The following NECTIN4 variants were observed in gnomAD, a reference collection of about 807,000 sequenced individuals.
NECTIN4 encodes the protein nectin cell adhesion molecule 4, also known as nectin-4.
In NECTIN4, 19 loss-of-function variants were observed where a neutral mutation model predicts 51.7. The observed-to-expected ratio is 0.37, with a 90% CI of 0.26 to 0.54. NECTIN4 has a LOEUF of 0.54. Ranked by LOEUF, NECTIN4 falls within the 20% of genes least tolerant of loss-of-function variation. The pLI is 0.86. For missense variants in NECTIN4, 619 were observed against 662.4 expected (o/e 0.93, Z 0.72); for synonymous variants, 283 against 286.9 (o/e 0.99, Z 0.14).
rs199976359 is a variant in NECTIN4, at chr1:161,089,275, C to G, written c.22G>C (p.Glu8Gln). The change falls in exon 1 of 9, where the codon GAG becomes CAG. Residue 8 changes from glutamate to glutamine, a missense_variant. Coordinates refer to ENST00000368012, the MANE Select transcript of NECTIN4 (RefSeq NM_030916.3). The surrounding 1 kb of genome is among the most constrained non-coding windows in gnomAD (Gnocchi z 4.1). MPLSLGAEMWGPEAWLLL... is the reference protein window; with the variant it reads MPLSLGAQMWGPEAWLLL... ...AGCCAGGCCTCAGGCCCCCACATCT[C>G]GGCTCCCAGGGACAGGGGCATGGTT... 6.2e-7 allele frequency: 1 copy of G among 1,610,918 alleles called. No individual in the cohort carries two copies. Among genetic ancestry groups the G allele is most frequent in the Non-Finnish European group, 8.5e-7 (1 of 1,179,988 alleles).
rs187420790 is a variant in NECTIN4, at chr1:161,087,012, C to T, written c.79+2206G>A. 2.6e-5 allele frequency: 4 copies of T among 152,426 alleles called. No individual in the cohort carries two copies. In the East Asian group the frequency reaches 7.7e-4, roughly 29 times the overall value. The allele number at this position is 152,426 out of a possible 1,614,324, so 9.4% of individuals were successfully genotyped here. A position where few individuals can be genotyped will look rare whatever the true frequency, so the allele number is the denominator to read the frequency against. On this transcript the variant is annotated intron_variant, in intron 1 of 8. Transcript: ENST00000368012. ...GAAGGTCAATAGAGATCATCTGGTC[C>T]TAGCTCTCGGTCTACTGAAGTCTGG...
chr1:161,086,447 C>T (rs1193327190), intron 1 of NECTIN4, among the ~76,000 whole-genome samples: 2 of 152,178 alleles, frequency 1.3e-5, no homozygotes, highest in Non-Finnish European at 2.9e-5. Context: ...AAGGATGGGC[C>T]CCTCCCTTTC....
chr1:161,073,894 G>C (rs1653297839), intron 6 of NECTIN4, 99 bp from the exon 7 acceptor site: 2 of 1,107,536 alleles, frequency 1.8e-6, no homozygotes, highest in Non-Finnish European at 2.7e-6. Flanking sequence ...CGGAGGGTGT[G>C]GGTGCCGTGC....
rs749174193 is a variant in NECTIN4 at position 161,074,571 on chromosome 1, G to A, written c.1000+40C>T. 9.9e-6 allele frequency: 16 copies of A among 1,613,154 alleles called. No individual in the cohort carries two copies. In the South Asian group the frequency reaches 1.8e-4, roughly 18 times the overall value. On this transcript the variant is annotated intron_variant, in intron 5 of 8. Coordinates refer to ENST00000368012, the MANE Select transcript of NECTIN4 (RefSeq NM_030916.3). ...TTCCTGCTGCCCCCACCAAGCCCTT[G>A]GCCCAGGTCCTTACCAAGGACTTCT...
Position 161,076,445 on chromosome 1 carries a change from T to C in NECTIN4, c.761A>G (p.Glu254Gly). ...FLAEASVRGL[E>G]DQNLWHIGRE... ...GCCAATGTGCCACAGATTTTGGTCT[T>C]CAAGGCCCCTCACAGAGGCCTCAGC... The change falls in exon 4 of 9, where the codon GAA becomes GGA. Residue 254 changes from glutamate to glycine, a missense_variant. This residue lies in a region of NECTIN4 where 364 missense variants were observed against 415.7 expected (regional missense o/e 0.88). Transcript: ENST00000368012. 1 of 1,614,118 alleles carries C rather than the reference T, an allele frequency of 6.2e-7. No homozygotes were observed.
At chr1:161,080,553 C>CT (rs1310511567) in intron 1 of NECTIN4, among the ~76,000 whole-genome samples, 2 of 152,168 alleles carry the variant, frequency 1.3e-5, no homozygotes, top group South Asian at 4.1e-4. Context: ...ACCTGGATTC[C>CT]TATAGCGCAG....
Position 161,089,383 on chromosome 1 carries a change from C to CA in NECTIN4, c.-88dup. On this transcript the variant is annotated 5_prime_UTR_variant, in exon 1 of 9. Transcript: ENST00000368012. The surrounding 1 kb of genome is among the most constrained non-coding windows in gnomAD (Gnocchi z 4.1). ...TGCAGACTTGAATAAGGAACTGACC[C>CA]AGAAGGCAGGAAGCTGCAGAGTTCT... The CA allele has an allele frequency of 7.8e-7, 1 of 1,275,874 alleles. No homozygotes were observed. Among genetic ancestry groups the CA allele is most frequent in the South Asian group, 1.2e-5 (1 of 83,212 alleles). The allele number at this position is 1,275,874 out of a possible 1,614,324, so 79.0% of individuals were successfully genotyped here.
Position 161,079,688 on chromosome 1 carries a change from A to C in NECTIN4, c.341T>G (p.Leu114Arg), listed in dbSNP as rs767023902. 6.2e-7 allele frequency: 1 copy of C among 1,607,808 alleles called. No homozygotes were observed. The highest frequency in any genetic ancestry group is 8.5e-7 in the Non-Finnish European group (1 of 1,179,568). Residue 114 changes from leucine to arginine, a missense_variant, in exon 2 of 9, where the codon CTG (leucine) becomes CGG (arginine). This residue lies in a region of NECTIN4 where 218 missense variants were observed against 186.3 expected (regional missense o/e 1.17). Transcript: ENST00000368012. ...PRNPLDGSVL[L>R]RNAVQADEGE... ...CTCATCCGCCTGCACTGCGTTGCGC[A>C]GGAGCACTGAGCCGTCCAGGGGGTT...
At position 161,089,245 on chromosome 1, in the gene NECTIN4, G is replaced by T. The variant is rs776640272; in HGVS notation, c.52C>A (p.Leu18Met). ...EMWGPEAWLLLLLLLASFTGR... is the reference protein window; with the variant it reads ...EMWGPEAWLLMLLLLASFTGR... ...GTAAATGATGCCAGCAGTAGCAGCAGCAGCAGCCAGGCCTCAGGCCCCCAC... is the reference window on the plus strand; with the variant it reads ...GTAAATGATGCCAGCAGTAGCAGCATCAGCAGCCAGGCCTCAGGCCCCCAC... The change falls in exon 1 of 9, where the codon CTG (leucine) becomes ATG (methionine). Residue 18 changes from leucine to methionine, a missense_variant. Transcript: ENST00000368012. The surrounding 1 kb of genome is among the most constrained non-coding windows in gnomAD (Gnocchi z 4.1). 6.2e-7 allele frequency: 1 copy of T among 1,612,546 alleles called. No individual in the cohort carries two copies. Among genetic ancestry groups the T allele is most frequent in the Non-Finnish European group, 8.5e-7 (1 of 1,179,990 alleles).
intron 8 of NECTIN4, 96 bp downstream of exon 8, chr1:161,073,129 A>T: frequency 3.6e-6 from 4 of 1,111,444 alleles, no homozygotes; most frequent in Non-Finnish European, 5.5e-6. Context: ...CTAAGGAAAG[A>T]GGGACTGGTA....
intron 4 of NECTIN4, 94 bp from the exon 5 acceptor site, chr1:161,074,853 T>A (rs918301764): frequency 7.3e-7 from 1 of 1,378,970 alleles, no homozygotes; most frequent in African/African-American, 1.4e-5. Context: ...TCCACCCCCA[T>A]GACGTCACCC....
At chr1:161,075,138 T>C (rs181517913) in intron 4 of NECTIN4, among the ~76,000 whole-genome samples, 16 of 152,342 alleles carry the variant, frequency 1.1e-4, no homozygotes, top group African/African-American at 3.6e-4. Context: ...ACACCCGTGA[T>C]GTTGCATGGC....
At chr1:161,081,264 G>A (rs963153538) in intron 1 of NECTIN4, among the ~76,000 whole-genome samples, 3 of 152,114 alleles carry the variant, frequency 2.0e-5, no homozygotes, top group African/African-American at 7.2e-5. Flanking sequence ...AGTCACTAAA[G>A]GTTCCTTAGC....
Position 161,072,466 on chromosome 1 carries a change from C to T in NECTIN4, c.*195G>A. On this transcript the variant is annotated 3_prime_UTR_variant, in exon 9 of 9. Transcript: ENST00000368012. ...ACACATGCACACACACAGTGACCTG[C>T]ATGCATGGTGGGAGAGACTCAATTG... 1.5e-6 allele frequency: 1 copy of T among 645,366 alleles called. No homozygotes were observed. Among genetic ancestry groups the T allele is most frequent in the Non-Finnish European group, 2.8e-6 (1 of 355,266 alleles). The allele number at this position is 645,366 out of a possible 1,614,324, so 40.0% of individuals were successfully genotyped here.
In NECTIN4 at chr1:161,074,869, C is replaced by T. The variant is rs981074571; in HGVS notation, c.852-110G>A. 23 of 1,236,844 alleles carry T rather than the reference C, an allele frequency of 1.9e-5. No homozygotes were observed. In the African/African-American group the frequency reaches 2.7e-4, roughly 14 times the overall value. 76.6% of individuals were successfully genotyped at this position (1,236,844 alleles called of 1,614,324 possible). On this transcript the variant is annotated intron_variant, in intron 4 of 8. Coordinates refer to ENST00000368012, the MANE Select transcript of NECTIN4 (RefSeq NM_030916.3). ...CCACCCCCATGACGTCACCCAGAGC[C>T]GCAGGCTGTTCCCACGGTGCCCCTC... is the stretch of plus-strand genomic sequence containing the variant.
chr1:161,085,976 C>A (rs1028825990), intron 1 of NECTIN4, among the ~76,000 whole-genome samples: 1 of 152,198 alleles, frequency 6.6e-6, no homozygotes. Flanking sequence ...TGAGCCACCA[C>A]GCCTGGCCCC....
chr1:161,084,324 T>C (rs1054303940), intron 1 of NECTIN4: 1 of 152,290 alleles, frequency 6.6e-6, no homozygotes, highest in Admixed American at 6.5e-5. Context: ...ACACCCTCTG[T>C]ATGCATGGAG....
intron 4 of NECTIN4, among the ~76,000 whole-genome samples, chr1:161,075,796 G>A (rs1002667659): frequency 4.6e-5 from 7 of 151,130 alleles, no homozygotes; most frequent in African/African-American, 1.7e-4. Flanking sequence ...AAAAGACAAG[G>A]GCTGGGCGTG....
chr1:161,072,280 C>T lies in NECTIN4; in HGVS notation c.*381G>A, dbSNP rs1172343633. The T allele has an allele frequency of 8.1e-6, 3 of 372,088 alleles. No individual in the cohort carries two copies. Among genetic ancestry groups the T allele is most frequent in the Non-Finnish European group, 1.6e-5 (3 of 192,536 alleles). The allele number at this position is 372,088 out of a possible 1,614,324, so 23.0% of individuals were successfully genotyped here. On this transcript the variant is annotated 3_prime_UTR_variant, in exon 9 of 9. Transcript: ENST00000368012. ...ACAGCCACATGACACACACGCCAAACCCTGACAGTGTTGCCCACGCAACCA... is the reference window on the plus strand; with the variant it reads ...ACAGCCACATGACACACACGCCAAATCCTGACAGTGTTGCCCACGCAACCA...
Sources: gnomAD v4.1 joint callset for allele counts (sites outside exome capture counted in the v4.1 genomes callset) on GRCh38, gnomAD v4.1.1 for gene constraint, gnomAD v4.1.1 regional missense constraint, Gnocchi (gnomAD v3.1) non-coding constraint, MANE v1.5 for transcripts, NCBI Gene and HGNC (gene_info 2026-07-23, HGNC 2026-07-21) for gene names.